Variants in GABRB3 observed in about 807,000 individuals in gnomAD.
The protein encoded by GABRB3 is gamma-aminobutyric acid type A receptor subunit beta3, also known as gamma-aminobutyric acid receptor subunit beta-3.
GABRB3 carries 14 observed loss-of-function variants against 52.1 expected under a neutral mutation model. The observed-to-expected ratio is 0.27, with a 90% CI of 0.18 to 0.42. GABRB3 has a LOEUF of 0.42. Among genes scored for constraint, GABRB3 ranks in the 10% least tolerant of loss-of-function variants. GABRB3 has a pLI of 1.00. For synonymous variants in GABRB3, 260 were observed against 232.3 expected (o/e 1.12, Z -1.08); for missense variants, 307 against 609.1 (o/e 0.50, Z 5.22).
At chr15:26,554,021 T>TTTTATATATATATATA (rs1555400756) in intron 8 of GABRB3, among the ~76,000 whole-genome samples, 20 of 23,680 alleles carry the variant, frequency 8.4e-4, no homozygotes, top group African/African-American at 2.9e-3. Flanking sequence ...ACCTGACTAT[T>TTTTATATATATATATA]TATATATATA....
chr15:26,708,077 A>C (rs1286868772), intron 3 of GABRB3, among the ~76,000 whole-genome samples: 1 of 152,232 alleles, frequency 6.6e-6, no homozygotes, highest in Non-Finnish European at 1.5e-5. Context: ...TCAGGTTTTC[A>C]GATTAAAAAT....
chr15:26,653,954 C>T (rs946068330), intron 3 of GABRB3, among the ~76,000 whole-genome samples: 2 of 152,134 alleles, frequency 1.3e-5, no homozygotes, highest in African/African-American at 4.8e-5. Context: ...CAGATCATGA[C>T]TATAATGTTT....
chr15:26,555,484 G>A (rs1889719435), intron 8 of GABRB3, among the ~76,000 whole-genome samples: 2 of 152,100 alleles, frequency 1.3e-5, no homozygotes, highest in Non-Finnish European at 1.5e-5. Context: ...TTTGGGAGAC[G>A]ACCTCACGAA....
At chr15:26,771,493 A>C (rs1031622232) in intron 3 of GABRB3, among the ~76,000 whole-genome samples, 9 of 152,242 alleles carry the variant, frequency 5.9e-5, no homozygotes, top group African/African-American at 2.2e-4. Context: ...TCCAAAAAAC[A>C]AATATTGTTT....
At chr15:26,716,416 G>C (rs1019930751) in intron 3 of GABRB3, among the ~76,000 whole-genome samples, 2 of 152,108 alleles carry the variant, frequency 1.3e-5, no homozygotes, top group African/African-American at 4.8e-5. Flanking sequence ...CAGCACATTC[G>C]AGTCCCTCAG....
At position 26,544,566 on chromosome 15, in the gene GABRB3, C is replaced by A. The variant is rs1394780446; in HGVS notation, c.*3227G>T. Reference sequence around the variant, plus strand: ...GGAAATGGATGTCGCATGGTATAGACAGTGAAACCCCTCCACAGTCCCGGG... The same window carrying A: ...GGAAATGGATGTCGCATGGTATAGAAAGTGAAACCCCTCCACAGTCCCGGG... On this transcript the variant is annotated 3_prime_UTR_variant, in exon 9 of 9. Coordinates refer to ENST00000311550, the MANE Select transcript of GABRB3 (RefSeq NM_000814.6). 6.6e-6 allele frequency: 1 copy of A among 152,192 alleles called. No individual in the cohort carries two copies. The highest frequency in any genetic ancestry group is 1.5e-5 in the Non-Finnish European group (1 of 68,052). 9.4% of individuals were successfully genotyped at this position (152,192 alleles called of 1,614,324 possible). A position where few individuals can be genotyped will look rare whatever the true frequency, so the allele number is the denominator to read the frequency against.
intron 3 of GABRB3, among the ~76,000 whole-genome samples, chr15:26,677,434 G>C (rs186528931): frequency 2.6e-5 from 4 of 151,998 alleles, no homozygotes; most frequent in South Asian, 2.1e-4. Flanking sequence ...GCTGGTTTTG[G>C]GGGAGAGAAA....
chr15:26,760,544 A>G (rs1595353479), intron 3 of GABRB3, among the ~76,000 whole-genome samples: 1 of 152,288 alleles, frequency 6.6e-6, no homozygotes, highest in Middle Eastern at 3.4e-3. Context: ...ACAGTTTATG[A>G]TAATAGAGTA....
chr15:26,559,714 G>T (rs973772334), intron 8 of GABRB3, among the ~76,000 whole-genome samples: 2 of 152,184 alleles, frequency 1.3e-5, no homozygotes, highest in Admixed American at 6.5e-5. Flanking sequence ...TGGCTTTGTG[G>T]TTGGAAGGAT....
At chr15:26,754,892 C>T (rs1053142857) in intron 3 of GABRB3, among the ~76,000 whole-genome samples, 3 of 152,030 alleles carry the variant, frequency 2.0e-5, no homozygotes, top group South Asian at 2.1e-4. Flanking sequence ...CCCGAGGGGT[C>T]GAGGCTCGGC....
Position 26,547,603 on chromosome 15 carries a change from C to A in GABRB3, c.*190G>T. The A allele has an allele frequency of 3.3e-6, 2 of 614,816 alleles. No homozygotes were observed. Among genetic ancestry groups the A allele is most frequent in the Admixed American group, 2.8e-5 (1 of 35,518 alleles). 38.1% of individuals were successfully genotyped at this position (614,816 alleles called of 1,614,324 possible). A position where few individuals can be genotyped will look rare whatever the true frequency, so the allele number is the denominator to read the frequency against. ...TGACTCCTGTGTGTATAAACATATA[C>A]ACATACATCCTCATATACACGTGTA... On this transcript the variant is annotated 3_prime_UTR_variant, in exon 9 of 9. Coordinates refer to ENST00000311550, the MANE Select transcript of GABRB3 (RefSeq NM_000814.6).
intron 4 of GABRB3, among the ~76,000 whole-genome samples, chr15:26,587,563 G>C (rs757821425): frequency 6.6e-6 from 1 of 152,154 alleles, no homozygotes; most frequent in Non-Finnish European, 1.5e-5. Flanking sequence ...CCTTTTGAGT[G>C]AATCGACCCT....
intron 3 of GABRB3, among the ~76,000 whole-genome samples, chr15:26,696,422 C>T (rs1293715489): frequency 6.6e-6 from 1 of 152,002 alleles, no homozygotes; most frequent in Admixed American, 6.6e-5. Context: ...TAAACTGAGG[C>T]CCGATGACGT....
chr15:26,656,064 GC>G (rs2140600158), intron 3 of GABRB3, among the ~76,000 whole-genome samples: 1 of 152,164 alleles, frequency 6.6e-6, no homozygotes, highest in African/African-American at 2.4e-5. Flanking sequence ...TTTGGGATGT[GC>G]ACGTTTTAAC....
intron 3 of GABRB3, among the ~76,000 whole-genome samples, chr15:26,626,583 T>C (rs934268347): frequency 6.6e-6 from 1 of 152,172 alleles, no homozygotes; most frequent in East Asian, 1.9e-4. Flanking sequence ...TGGGGAATGA[T>C]AAGAAAGTCC....
chr15:26,600,403 C>T (rs190818842), intron 4 of GABRB3, among the ~76,000 whole-genome samples: 12 of 152,036 alleles, frequency 7.9e-5, no homozygotes, highest in African/African-American at 2.9e-4. Flanking sequence ...TCAAATTCAA[C>T]CCCAAATAAA....
At chr15:26,684,841 T>C (rs929660454) in intron 3 of GABRB3, among the ~76,000 whole-genome samples, 1 of 152,200 alleles carries the variant, frequency 6.6e-6, no homozygotes, top group African/African-American at 2.4e-5. Context: ...CAAGGATCGC[T>C]GCTCACAGGT....
At chr15:26,658,802 T>C (rs970308780) in intron 3 of GABRB3, 1 of 152,238 alleles carries the variant, frequency 6.6e-6, no homozygotes, top group Non-Finnish European at 1.5e-5. Flanking sequence ...TGAATGGAAA[T>C]TGGCCATTTT....
intron 3 of GABRB3, among the ~76,000 whole-genome samples, chr15:26,711,579 C>A (rs1468874328): frequency 6.6e-6 from 1 of 152,132 alleles, no homozygotes; most frequent in Admixed American, 6.5e-5. Context: ...CTACCTCCCC[C>A]GCCCCAGGCT....
Sources: gnomAD v4.1 joint callset for allele counts (sites outside exome capture counted in the v4.1 genomes callset) on GRCh38, gnomAD v4.1.1 for gene constraint, MANE v1.5 for transcripts, NCBI Gene and HGNC (gene_info 2026-07-23, HGNC 2026-07-21) for gene names.